Variants in SSBP2 observed in about 807,000 individuals in gnomAD.
SSBP2 encodes single-stranded DNA-binding protein 2.
A neutral mutation model predicts 61.8 loss-of-function variants in SSBP2; 17 were observed. The observed-to-expected ratio is 0.28, with a 90% confidence interval of 0.19 to 0.41. The LOEUF (loss-of-function observed/expected upper bound fraction) is 0.41, where lower values mean the gene tolerates loss of function less well. Among genes scored for constraint, SSBP2 ranks in the 10% least tolerant of loss-of-function variants. The probability of loss-of-function intolerance (pLI) is 1.00; values close to 1 mark genes in which losing one functional copy is unlikely to be tolerated. For synonymous variants in SSBP2, 139 were observed against 141.3 expected (o/e 0.98, Z 0.12); for missense variants, 310 against 458.7 (o/e 0.68, Z 2.96).
At chr5:81,658,814 T>C (rs139469098) in intron 1 of SSBP2, among the ~76,000 whole-genome samples, 35 of 152,294 alleles carry the variant, frequency 2.3e-4, no homozygotes, top group Middle Eastern at 3.4e-3. Context: ...AAAAAGCTTA[T>C]CCACCACGAT....
chr5:81,493,596 A>C (rs1443015142), intron 5 of SSBP2, among the ~76,000 whole-genome samples: 3 of 152,130 alleles, frequency 2.0e-5, no homozygotes, highest in Non-Finnish European at 4.4e-5. Context: ...TCTAGTAAAA[A>C]ATACAAAAAA....
chr5:81,747,798 C>T (rs1304410757), intron 1 of SSBP2, among the ~76,000 whole-genome samples: 2 of 152,108 alleles, frequency 1.3e-5, no homozygotes, highest in African/African-American at 2.4e-5. Context: ...CAGCCAATCA[C>T]GGTTATTTAA....
chr5:81,509,059 T>C (rs549508736), intron 5 of SSBP2, among the ~76,000 whole-genome samples: 10 of 152,346 alleles, frequency 6.6e-5, no homozygotes, highest in Admixed American at 5.2e-4. Context: ...AATTTAGTAG[T>C]TGCAACCAGG....
At chr5:81,555,160 T>A (rs999428160) in intron 4 of SSBP2, among the ~76,000 whole-genome samples, 1 of 152,122 alleles carries the variant, frequency 6.6e-6, no homozygotes, top group Non-Finnish European at 1.5e-5. Flanking sequence ...CCTCCACTTC[T>A]ATAATAAAGT....
chr5:81,712,784 G>A (rs1754889087), intron 1 of SSBP2, among the ~76,000 whole-genome samples: 1 of 150,660 alleles, frequency 6.6e-6, no homozygotes, highest in South Asian at 2.1e-4. Context: ...CCAGACCGGA[G>A]TGCAGTGGTG....
At chr5:81,626,947 A>T (rs1747224934) in intron 3 of SSBP2, among the ~76,000 whole-genome samples, 1 of 152,222 alleles carries the variant, frequency 6.6e-6, no homozygotes, top group Non-Finnish European at 1.5e-5. Context: ...ACCTTGGGCA[A>T]ATAGTTTTTT....
intron 1 of SSBP2, among the ~76,000 whole-genome samples, chr5:81,672,086 ATTATT>A (rs994967317): frequency 6.6e-6 from 1 of 152,144 alleles, no homozygotes; most frequent in African/African-American, 2.4e-5. Context: ...GCTCCATTAT[ATTATT>A]TTTACTACAA....
chr5:81,682,902 T>C (rs1295397357), intron 1 of SSBP2, among the ~76,000 whole-genome samples: 1 of 152,100 alleles, frequency 6.6e-6, no homozygotes, highest in African/African-American at 2.4e-5. Context: ...TAAAAATACA[T>C]TACCATTTAC....
At position 81,646,688 on chromosome 5, in the gene SSBP2, ATTTTTTTTT is replaced by A. The variant is rs68107334; in HGVS notation, c.135+3570_135+3578del. Among the ~76,000 whole-genome samples the A allele has an allele frequency of 8.1e-5, 7 of 85,934 alleles. No individual in the cohort carries two copies. In the South Asian group the frequency reaches 3.4e-3, roughly 42 times the overall value. The allele number at this position is 85,934 out of a possible 152,430, so 56.4% of individuals were successfully genotyped here. A position where few individuals can be genotyped will look rare whatever the true frequency, so the allele number is the denominator to read the frequency against. ...ACCAGAGTACAAACCTGATGATGTC[ATTTTTTTTT>A]TTTTTTTTTTTTTTTTTACTTTAAA... On this transcript the variant is annotated intron_variant, in intron 2 of 16. Transcript: ENST00000320672.
At chr5:81,484,947 TA>T (rs1211715292) in intron 6 of SSBP2, among the ~76,000 whole-genome samples, 1 of 152,176 alleles carries the variant, frequency 6.6e-6, no homozygotes, top group African/African-American at 2.4e-5. Context: ...AAACAGAGGA[TA>T]AAGTTTCTGA....
At chr5:81,750,657 G>A in intron 1 of SSBP2, 2 of 322,162 alleles carry the variant, frequency 6.2e-6, no homozygotes, top group South Asian at 6.8e-5. Flanking sequence ...CAGCTCTAAA[G>A]TTACTTTGGA....
chr5:81,578,636 G>GATTAACAGA (rs2153465925), intron 4 of SSBP2, among the ~76,000 whole-genome samples: 1 of 151,922 alleles, frequency 6.6e-6, no homozygotes, highest in Admixed American at 6.5e-5. Context: ...TAGTGATTAA[G>GATTAACAGA]AGTGAGAAAG....
intron 1 of SSBP2, among the ~76,000 whole-genome samples, chr5:81,736,491 A>C (rs966589402): frequency 6.6e-6 from 1 of 152,156 alleles, no homozygotes; most frequent in Non-Finnish European, 1.5e-5. Flanking sequence ...TTCTCCTCGA[A>C]TTTAAAAGGG....
At chr5:81,474,988 C>T (rs143933912) in intron 6 of SSBP2, among the ~76,000 whole-genome samples, 106 of 151,992 alleles carry the variant, frequency 7.0e-4, no homozygotes, top group African/African-American at 2.5e-3. Flanking sequence ...TGGAAAGGGA[C>T]GAATGAAAAT....
Position 81,493,795 on chromosome 5 carries a change from G to A in SSBP2, c.373-4486C>T, listed in dbSNP as rs138744636. Among the ~76,000 whole-genome samples the A allele has an allele frequency of 2.3e-3, 356 of 151,916 alleles. 1 individual carries two copies. Among genetic ancestry groups the A allele is most frequent in the African/African-American group, 8.1e-3 (336 of 41,432 alleles). On this transcript the variant is annotated intron_variant, in intron 5 of 16. Transcript: ENST00000320672. ...AATAAAATTGTAGAGATGGGTGCTCGCTCTGCTGCCCAGGCTGGTCTCAAA... is the reference window on the plus strand; with the variant it reads ...AATAAAATTGTAGAGATGGGTGCTCACTCTGCTGCCCAGGCTGGTCTCAAA...
chr5:81,636,338 T>A, intron 3 of SSBP2: 1 of 416,178 alleles, frequency 2.4e-6, no homozygotes. Context: ...CAGTTGGAGA[T>A]TCCACACACT....
intron 2 of SSBP2, among the ~76,000 whole-genome samples, chr5:81,646,594 T>TAAAATATTACATTCTCC (rs1749286368): frequency 1.4e-5 from 2 of 144,822 alleles, no homozygotes; most frequent in South Asian, 4.4e-4. Context: ...TTACATTCTC[T>TAAAATATTACATTCTCC]AAAATATTAC....
At chr5:81,591,935 T>C (rs565987704) in intron 4 of SSBP2, among the ~76,000 whole-genome samples, 2 of 152,322 alleles carry the variant, frequency 1.3e-5, no homozygotes, top group African/African-American at 2.4e-5. Flanking sequence ...GATTTCTGCA[T>C]TTCCAACTGA....
chr5:81,723,961 CACT>C (rs1755711176), intron 1 of SSBP2, among the ~76,000 whole-genome samples: 1 of 151,950 alleles, frequency 6.6e-6, no homozygotes, highest in African/African-American at 2.4e-5. Flanking sequence ...CTTGCGCTAC[CACT>C]ACAATTTCTA....
Sources: allele counts gnomAD v4.1 joint callset (sites outside exome capture counted in the v4.1 genomes callset), GRCh38; gene constraint gnomAD v4.1.1; transcripts MANE v1.5; gene names NCBI Gene and HGNC (gene_info 2026-07-23, HGNC 2026-07-21).